GFRA1: variants seen among roughly 807,000 people sequenced by gnomAD.
GFRA1 encodes GDNF family receptor alpha 1, also known as GDNF family receptor alpha-1.
GFRA1 carries 16 observed loss-of-function variants against 51.6 expected under a neutral mutation model. That is an observed-to-expected ratio of 0.31 (90% CI 0.21 to 0.47). The LOEUF is 0.47. Among genes scored for constraint, GFRA1 ranks in the 20% least tolerant of loss-of-function variants. The probability of loss-of-function intolerance (pLI) is 1.00; values close to 1 mark genes in which losing one functional copy is unlikely to be tolerated. For synonymous variants in GFRA1, 270 were observed against 241.3 expected, an observed-to-expected ratio of 1.12 and a Z score of -1.10; for missense variants, 530 against 594.3, an observed-to-expected ratio of 0.89 and a Z score of 1.13.
intron 9 of GFRA1, among the ~76,000 whole-genome samples, chr10:116,077,793 C>T (rs1395728954): frequency 2.0e-5 from 3 of 152,222 alleles, no homozygotes; most frequent in Non-Finnish European, 2.9e-5. Context: ...CACCTGATGT[C>T]GGCAGGCTGG....
At chr10:116,218,211 G>A (rs531114203) in intron 4 of GFRA1, among the ~76,000 whole-genome samples, 43 of 152,224 alleles carry the variant, frequency 2.8e-4, no homozygotes, top group African/African-American at 1.0e-3. Flanking sequence ...CTTTAACACT[G>A]CCCGTCTCCT....
intron 5 of GFRA1, among the ~76,000 whole-genome samples, chr10:116,207,805 G>A (rs1296344048): frequency 6.6e-6 from 1 of 152,120 alleles, no homozygotes; most frequent in East Asian, 1.9e-4. Flanking sequence ...GGCAAAGCGA[G>A]CAGAAAGTGA....
chr10:116,160,260 T>G (rs1173418567), intron 5 of GFRA1, among the ~76,000 whole-genome samples: 1 of 152,244 alleles, frequency 6.6e-6, no homozygotes, highest in African/African-American at 2.4e-5. Context: ...GAAACAGCAC[T>G]ACAGAGTCAA....
chr10:116,064,384 T>C lies in GFRA1; in HGVS notation c.*14A>G. 1 of 1,608,560 alleles carries C rather than the reference T, an allele frequency of 6.2e-7. No individual in the cohort carries two copies. The highest frequency in any genetic ancestry group is 8.5e-7 in the Non-Finnish European group (1 of 1,176,820). On this transcript the variant is annotated 3_prime_UTR_variant, in exon 11 of 11. Coordinates refer to ENST00000355422, the MANE Select transcript of GFRA1 (RefSeq NM_005264.8). ...TGTCTTTTTACATGTCCATATTGTA[T>C]TTTTTTAATGCAGCTATGATGTTTC...
chr10:116,159,197 G>A (rs140080899), intron 5 of GFRA1, among the ~76,000 whole-genome samples: 3 of 152,220 alleles, frequency 2.0e-5, no homozygotes, highest in Non-Finnish European at 4.4e-5. Flanking sequence ...ATCCCTAGTA[G>A]ACCACTTTAG....
intron 4 of GFRA1, among the ~76,000 whole-genome samples, chr10:116,213,777 A>T (rs1965369742): frequency 6.6e-6 from 1 of 152,200 alleles, no homozygotes; most frequent in Admixed American, 6.5e-5. Flanking sequence ...ACTTGGGCAC[A>T]CATGACCCCA....
chr10:116,254,319 CAAAAAAA>C (rs67848241), intron 4 of GFRA1, among the ~76,000 whole-genome samples: 2 of 106,802 alleles, frequency 1.9e-5, no homozygotes, highest in South Asian at 3.4e-4. Flanking sequence ...GAGCCTCTGT[CAAAAAAA>C]AAAAAAAAAG....
chr10:116,194,871 T>C (rs187740907), intron 5 of GFRA1, among the ~76,000 whole-genome samples: 1 of 152,222 alleles, frequency 6.6e-6, no homozygotes, highest in African/African-American at 2.4e-5. Context: ...AAAACTGCTA[T>C]CAAGACACAG....
intron 4 of GFRA1, among the ~76,000 whole-genome samples, chr10:116,214,907 G>A (rs1965453970): frequency 6.6e-6 from 1 of 152,184 alleles, no homozygotes; most frequent in African/African-American, 2.4e-5. Flanking sequence ...TATACATGGA[G>A]TAACTATTTG....
chr10:116,148,093 C>CATGTGTGCATGT (rs1555158856), intron 5 of GFRA1, among the ~76,000 whole-genome samples: 24 of 95,368 alleles, frequency 2.5e-4, no homozygotes, highest in East Asian at 2.3e-3. Flanking sequence ...TGTGTGCATG[C>CATGTGTGCATGT]GTGTGTGCAT....
intron 6 of GFRA1, among the ~76,000 whole-genome samples, chr10:116,123,387 C>T (rs1286799796): frequency 6.6e-6 from 1 of 152,218 alleles, no homozygotes; most frequent in Admixed American, 6.5e-5. Context: ...TACAGCAGGT[C>T]ACTTGCTTCC....
chr10:116,196,588 CTA>C lies in GFRA1; in HGVS notation c.433+15041_433+15042del, dbSNP rs1565643313. 1.3e-3 allele frequency among the ~76,000 whole-genome samples: 17 copies of C among 12,822 alleles called. No homozygotes were observed. The South Asian group carries it at 0.041, about 31-fold the overall frequency. The allele number at this position is 12,822 out of a possible 152,430, so 8.4% of individuals were successfully genotyped here. ...TATATAATATATATAATATATAGTA[CTA>C]TATATAATATATATATAGTACTATA... On this transcript the variant is annotated intron_variant, in intron 5 of 10. Transcript: ENST00000355422.
At chr10:116,242,974 C>A (rs1213882654) in intron 4 of GFRA1, among the ~76,000 whole-genome samples, 2 of 152,166 alleles carry the variant, frequency 1.3e-5, no homozygotes. Flanking sequence ...TTTCTCAAAT[C>A]AGCTAGAAAA....
chr10:116,191,220 C>T, intron 5 of GFRA1, among the ~76,000 whole-genome samples: 1 of 152,200 alleles, frequency 6.6e-6, no homozygotes, highest in East Asian at 1.9e-4. Context: ...TATGCTAGAA[C>T]TGTGTTGAGT....
chr10:116,118,435 T>C (rs1454908692), intron 6 of GFRA1, among the ~76,000 whole-genome samples: 2 of 152,168 alleles, frequency 1.3e-5, no homozygotes, highest in African/African-American at 4.8e-5. Flanking sequence ...CCGAGTTTTC[T>C]TCCTCTGACG....
At chr10:116,181,679 C>T (rs1264095021) in intron 5 of GFRA1, among the ~76,000 whole-genome samples, 1 of 151,808 alleles carries the variant, frequency 6.6e-6, no homozygotes, top group Admixed American at 6.6e-5. Flanking sequence ...ACTGTATCAC[C>T]CAGGCTGGAG....
chr10:116,179,099 G>A (rs1458197073), intron 5 of GFRA1, among the ~76,000 whole-genome samples: 1 of 152,180 alleles, frequency 6.6e-6, no homozygotes, highest in East Asian at 1.9e-4. Flanking sequence ...GCAACGTATA[G>A]TCCAGACGAG....
intron 5 of GFRA1, among the ~76,000 whole-genome samples, chr10:116,191,651 A>T (rs1963276898): frequency 6.6e-6 from 1 of 152,238 alleles, no homozygotes; most frequent in South Asian, 2.1e-4. Context: ...AAAGCGAGCT[A>T]AAGCATGTAA....
At chr10:116,111,458 A>C (rs752003742) in intron 6 of GFRA1, among the ~76,000 whole-genome samples, 20 of 152,194 alleles carry the variant, frequency 1.3e-4, no homozygotes, top group Non-Finnish European at 2.6e-4. Flanking sequence ...TTAATGCAGC[A>C]TGGAAGCTTT....
Sources: allele counts gnomAD v4.1 joint callset (sites outside exome capture counted in the v4.1 genomes callset), GRCh38; gene constraint gnomAD v4.1.1; transcripts MANE v1.5; gene names NCBI Gene and HGNC (gene_info 2026-07-23, HGNC 2026-07-21).